The following FAAH2 variants were observed in gnomAD, a reference collection of about 807,000 sequenced individuals.
FAAH2 encodes fatty-acid amide hydrolase 2.
In FAAH2, 60 loss-of-function variants were observed where a neutral mutation model predicts 36.9. That is an observed-to-expected ratio of 1.63 (90% CI 1.32 to 2.02). The LOEUF is 2.02. FAAH2 is among the 30% of genes most tolerant of loss of function. FAAH2 has a pLI of 0.00. For synonymous variants in FAAH2, 214 were observed against 143.8 expected (o/e 1.49, Z -3.49); for missense variants, 689 against 397.5 (o/e 1.73, Z -6.23).
chrX:57,281,264 T>C, the FAAH2 span, among the ~76,000 whole-genome samples: 1 of 112,223 alleles, frequency 8.9e-6, no homozygotes, highest in Non-Finnish European at 1.9e-5. Flanking sequence ...TCTACAATTA[T>C]CTTAAAATAA....
chrX:57,390,580 AC>A (rs2055142230), intron 7 of FAAH2, among the ~76,000 whole-genome samples: 1 of 111,162 alleles, frequency 9.0e-6, no homozygotes, highest in Non-Finnish European at 1.9e-5. Context: ...TAAGTGAGAA[AC>A]AGACTTTCTG....
At chrX:57,352,644 C>T (rs1008423582) in intron 5 of FAAH2, among the ~76,000 whole-genome samples, 3 of 110,729 alleles carry the variant, frequency 2.7e-5, no homozygotes, top group Non-Finnish European at 3.8e-5. Flanking sequence ...TAAAAGACAT[C>T]CAATTAGAAA....
At chrX:57,422,888 A>G (rs1342701715) in intron 7 of FAAH2, among the ~76,000 whole-genome samples, 9 of 112,706 alleles carry the variant, frequency 8.0e-5, no homozygotes, top group Non-Finnish European at 1.7e-4. Flanking sequence ...AGCTGGACAT[A>G]AAAGTGAAAT....
chrX:57,315,133 A>G (rs1346747751), intron 3 of FAAH2, among the ~76,000 whole-genome samples: 2 of 111,436 alleles, frequency 1.8e-5, no homozygotes, highest in Non-Finnish European at 3.8e-5. Flanking sequence ...AATCAATTCA[A>G]TGCACACAAA....
chrX:57,367,309 G>T (rs916237004), intron 5 of FAAH2, among the ~76,000 whole-genome samples: 3 of 111,979 alleles, frequency 2.7e-5, no homozygotes, highest in Non-Finnish European at 5.6e-5. Flanking sequence ...TCATTATGTT[G>T]ACATTTGTAG....
At chrX:57,314,622 C>A (rs1486083428) in intron 3 of FAAH2, among the ~76,000 whole-genome samples, 3 of 111,179 alleles carry the variant, frequency 2.7e-5, no homozygotes, top group African/African-American at 9.8e-5. Flanking sequence ...TCATGAAAAA[C>A]TCCTAGATGG....
chrX:57,196,670 C>G, the FAAH2 span, among the ~76,000 whole-genome samples: 1 of 111,710 alleles, frequency 9.0e-6, no homozygotes, highest in African/African-American at 3.3e-5. Context: ...TCAACTTGTT[C>G]AGTATAGTGT....
chrX:57,393,828 A>G, intron 7 of FAAH2: 1 of 869,858 alleles, frequency 1.1e-6, no homozygotes, highest in Non-Finnish European at 1.7e-6. Context: ...TTCCTCAGGA[A>G]TCTATCATTG....
chrX:57,293,055 G>A (rs1170805754), intron 2 of FAAH2, among the ~76,000 whole-genome samples: 1 of 111,019 alleles, frequency 9.0e-6, no homozygotes, highest in Non-Finnish European at 1.9e-5. Flanking sequence ...AGGTATTAGA[G>A]GGCCAAAAAC....
the FAAH2 span, chrX:57,229,351 G>C: frequency 1.8e-5 from 2 of 111,699 alleles, no homozygotes; most frequent in African/African-American, 6.5e-5. Context: ...CTTCCCAATA[G>C]GGCTTCTAGT....
At chrX:57,413,656 A>T (rs1238179184) in intron 7 of FAAH2, among the ~76,000 whole-genome samples, 1 of 111,908 alleles carries the variant, frequency 8.9e-6, no homozygotes, top group Non-Finnish European at 1.9e-5. Flanking sequence ...TGATGCCTCC[A>T]GCTTTGTTCA....
chrX:57,290,796 C>T (rs777039205), intron 1 of FAAH2, among the ~76,000 whole-genome samples: 2 of 111,481 alleles, frequency 1.8e-5, no homozygotes, highest in Admixed American at 9.5e-5. Context: ...CATATTAGGA[C>T]AATTTTAGCC....
At chrX:57,433,408 T>A (rs1199021237) in intron 8 of FAAH2, among the ~76,000 whole-genome samples, 1 of 111,742 alleles carries the variant, frequency 8.9e-6, no homozygotes, top group Non-Finnish European at 1.9e-5. Flanking sequence ...AGAAAAGGGA[T>A]GTGGCCATTT....
rs535919061 is a variant in FAAH2, at chrX:57,382,757, G to A, written c.996+1728G>A. On this transcript the variant is annotated intron_variant, in intron 7 of 10. Transcript: ENST00000374900. ...AATTCTACCAGAGGTACAAGGAGGA[G>A]CTGGTACCATTCCTTCTGAAACTAT... Among the ~76,000 whole-genome samples, 43 of 111,240 alleles carry A rather than the reference G, an allele frequency of 3.9e-4. 1 individual carries two copies. In the South Asian group the frequency reaches 0.013, roughly 33 times the overall value.
chrX:57,122,948 A>G, the FAAH2 span, among the ~76,000 whole-genome samples: 1 of 112,223 alleles, frequency 8.9e-6, no homozygotes, highest in Non-Finnish European at 1.9e-5. Context: ...TTTTATGGAA[A>G]GCAATTTGCA....
At chrX:57,463,029 C>T (rs76935705) in intron 10 of FAAH2, among the ~76,000 whole-genome samples, 1 of 111,503 alleles carries the variant, frequency 9.0e-6, no homozygotes, top group African/African-American at 3.3e-5. Context: ...AAGCAGGGAG[C>T]CAAATCATGA....
At position 57,331,048 on chromosome X, in the gene FAAH2, A is replaced by T. The variant is rs536832594; in HGVS notation, c.413-550A>T. Among the ~76,000 whole-genome samples the T allele has an allele frequency of 8.1e-5, 9 of 110,896 alleles. No homozygotes were observed. The South Asian group carries it at 3.2e-3, about 39-fold the overall frequency. On this transcript the variant is annotated intron_variant, in intron 3 of 10. Transcript: ENST00000374900. ...TGGGCAAAACCACCCTGCAGATTTC[A>T]GGTCTGACAGTTCCCCTAGGGCTTA...
upstream of FAAH2, among the ~76,000 whole-genome samples, chrX:57,285,599 C>T (rs2051798435): frequency 9.0e-6 from 1 of 111,699 alleles, no homozygotes; most frequent in African/African-American, 3.3e-5. Context: ...GGAGGTGGTA[C>T]TTGTCCTGAA....
intron 3 of FAAH2, among the ~76,000 whole-genome samples, chrX:57,329,657 C>G (rs1416178446): frequency 2.8e-5 from 3 of 108,269 alleles, no homozygotes; most frequent in Non-Finnish European, 5.7e-5. Context: ...ACACAAGTAC[C>G]AATAAAGCAA....
Sources: gnomAD v4.1 joint callset for allele counts (sites outside exome capture counted in the v4.1 genomes callset) on GRCh38, gnomAD v4.1.1 for gene constraint, MANE v1.5 for transcripts, NCBI Gene and HGNC (gene_info 2026-07-23, HGNC 2026-07-21) for gene names.